The following ATP5MC2 variants were observed in gnomAD, a reference collection of about 807,000 sequenced individuals.
ATP5MC2 encodes ATP synthase F(0) complex subunit C2, mitochondrial.
A neutral mutation model predicts 13.5 loss-of-function variants in ATP5MC2; 11 were observed. The observed-to-expected ratio is 0.81, with a 90% CI of 0.51 to 1.35. The LOEUF is 1.35. Among genes scored for constraint, ATP5MC2 ranks in the 40% most tolerant of loss-of-function variants. The pLI, the probability that ATP5MC2 is intolerant of heterozygous loss-of-function variation, is 0.00. For synonymous variants in ATP5MC2, 64 were observed against 69.7 expected, an observed-to-expected ratio of 0.92 and a Z score of 0.41; for missense variants, 132 against 175.0, an observed-to-expected ratio of 0.75 and a Z score of 1.39.
At chr12:53,672,453 C>G (rs2138038495) in intron 2 of ATP5MC2, 123 bp downstream of exon 2, 1 of 1,064,082 alleles carries the variant, frequency 9.4e-7, no homozygotes, top group Non-Finnish European at 1.4e-6. Flanking sequence ...AACTCCTGGC[C>G]TCAAGTGATC....
At chr12:53,671,915 G>A (rs149524575) in intron 2 of ATP5MC2, among the ~76,000 whole-genome samples, 3,951 of 151,870 alleles carry the variant, frequency 0.026, 163 homozygotes, top group African/African-American at 0.083. Context: ...CCAACATGGT[G>A]TAACCCCATC....
At chr12:53,668,696 A>G (rs1945005764) in intron 4 of ATP5MC2, among the ~76,000 whole-genome samples, 1 of 152,054 alleles carries the variant, frequency 6.6e-6, no homozygotes, top group Non-Finnish European at 1.5e-5. Flanking sequence ...AGAACTGAAA[A>G]CTGAAACTAT....
intron 4 of ATP5MC2, among the ~76,000 whole-genome samples, chr12:53,666,090 T>C (rs1363988354): frequency 6.6e-6 from 1 of 151,408 alleles, no homozygotes; most frequent in African/African-American, 2.4e-5. Flanking sequence ...GGCGGATCAC[T>C]TGAAGCCAGA....
At chr12:53,667,173 T>A (rs1027931789) in intron 4 of ATP5MC2, among the ~76,000 whole-genome samples, 1 of 152,198 alleles carries the variant, frequency 6.6e-6, no homozygotes, top group Non-Finnish European at 1.5e-5. Context: ...AAAAGAACTC[T>A]ATTTCTCAAA....
chr12:53,669,565 T>C (rs1374309639), intron 3 of ATP5MC2, among the ~76,000 whole-genome samples: 1 of 152,222 alleles, frequency 6.6e-6, no homozygotes, highest in African/African-American at 2.4e-5. Context: ...CCCTAGTCTA[T>C]TCTTGCTGCC....
chr12:53,670,708 C>T (rs1315713594), intron 2 of ATP5MC2, among the ~76,000 whole-genome samples: 3 of 151,538 alleles, frequency 2.0e-5, no homozygotes, highest in Non-Finnish European at 2.9e-5. Context: ...CTACAACCTC[C>T]ACCTCCCAGG....
intron 1 of ATP5MC2, 110 bp downstream of exon 1, chr12:53,675,943 G>C: frequency 1.4e-6 from 2 of 1,448,566 alleles, no homozygotes; most frequent in South Asian, 1.4e-5. Context: ...GAAAGGGCGA[G>C]AGGACCAGGG....
intron 4 of ATP5MC2, among the ~76,000 whole-genome samples, chr12:53,667,503 AT>A (rs34602823): frequency 1.4e-4 from 21 of 148,630 alleles, no homozygotes; most frequent in Middle Eastern, 3.5e-3. Context: ...ATGCGAAACT[AT>A]TTTTTTTTTT....
chr12:53,676,324 G>C (rs914650373), upstream of ATP5MC2: 11 of 1,394,200 alleles, frequency 7.9e-6, no homozygotes, highest in Non-Finnish European at 1.1e-5. Flanking sequence ...TCCGTAACGT[G>C]GACTGCGGTT....
upstream of ATP5MC2, chr12:53,676,695 A>G: frequency 6.1e-6 from 1 of 165,220 alleles, no homozygotes; most frequent in Non-Finnish European, 1.3e-5. Flanking sequence ...TATGATCCGA[A>G]TCCCTCTTTC....
intron 1 of ATP5MC2, 86 bp downstream of exon 1, chr12:53,675,967 G>C: frequency 1.9e-6 from 3 of 1,548,412 alleles, no homozygotes; most frequent in South Asian, 2.4e-5. Flanking sequence ...GAGCACGCAA[G>C]GTAAGCGCCT....
chr12:53,675,672 C>T (rs1319048622), intron 1 of ATP5MC2, among the ~76,000 whole-genome samples: 1 of 152,098 alleles, frequency 6.6e-6, no homozygotes, highest in East Asian at 1.9e-4. Context: ...AAAGAAGGCA[C>T]AAGTCAGGAT....
upstream of ATP5MC2, among the ~76,000 whole-genome samples, chr12:53,678,340 T>TCACCACCACCAC (rs374475099): frequency 6.6e-6 from 1 of 151,322 alleles, no homozygotes; most frequent in Non-Finnish European, 1.5e-5. Flanking sequence ...ATCATCATCG[T>TCACCACCACCAC]CACCACCACC....
At chr12:53,675,624 C>A (rs1441094743) in intron 1 of ATP5MC2, among the ~76,000 whole-genome samples, 1 of 152,120 alleles carries the variant, frequency 6.6e-6, no homozygotes, top group Non-Finnish European at 1.5e-5. Flanking sequence ...CTCGGAGCAC[C>A]TGAGGTTCTG....
At chr12:53,674,699 C>T (rs1593057914) in intron 1 of ATP5MC2, among the ~76,000 whole-genome samples, 2 of 152,242 alleles carry the variant, frequency 1.3e-5, no homozygotes, top group East Asian at 3.8e-4. Flanking sequence ...ATCTTCCCAC[C>T]TTGGCCTCCC....
intron 2 of ATP5MC2, 77 bp from the exon 3 acceptor site, chr12:53,670,025 C>T (rs768077338): frequency 1.5e-6 from 2 of 1,322,328 alleles, no homozygotes; most frequent in Non-Finnish European, 2.2e-6. Context: ...CACGTTGTTA[C>T]ATCATCAGAC....
At chr12:53,680,745 C>T (rs1162698267), upstream of ATP5MC2, among the ~76,000 whole-genome samples, 1 of 151,942 alleles carries the variant, frequency 6.6e-6, no homozygotes, top group Non-Finnish European at 1.5e-5. Flanking sequence ...AATGTATATC[C>T]ATTTATTCAA....
intron 2 of ATP5MC2, chr12:53,670,301 CT>C: frequency 5.5e-6 from 2 of 361,764 alleles, no homozygotes; most frequent in Non-Finnish European, 1.1e-5. Flanking sequence ...TATACAGATG[CT>C]CCTCAACTTA....
chr12:53,675,747 G>A (rs887766329), intron 1 of ATP5MC2, among the ~76,000 whole-genome samples: 3 of 152,194 alleles, frequency 2.0e-5, no homozygotes, highest in African/African-American at 2.4e-5. Flanking sequence ...AGGGCCAGAG[G>A]GCGAGAAAAG....
Sources: allele counts gnomAD v4.1 joint callset (sites outside exome capture counted in the v4.1 genomes callset), GRCh38; gene constraint gnomAD v4.1.1; transcripts MANE v1.5; gene names NCBI Gene and HGNC (gene_info 2026-07-23, HGNC 2026-07-21).